Variants in ZFYVE26 observed in about 807,000 individuals in gnomAD.
ZFYVE26 encodes the protein zinc finger FYVE domain-containing protein 26.
ZFYVE26 carries 181 observed loss-of-function variants against 276.5 expected under a neutral mutation model. The observed-to-expected ratio is 0.65, with a 90% CI of 0.58 to 0.74. The LOEUF is 0.74. Among genes scored for constraint, ZFYVE26 ranks in the 30% least tolerant of loss-of-function variants. The pLI, the probability that ZFYVE26 is intolerant of heterozygous loss-of-function variation, is 0.00. For synonymous variants in ZFYVE26, 1,129 were observed against 1,203.1 expected (o/e 0.94, Z 1.27); for missense variants, 2,821 against 3,097.9 (o/e 0.91, Z 2.12).
intron 41 of ZFYVE26, among the ~76,000 whole-genome samples, chr14:67,749,114 C>T (rs2038566627): frequency 6.6e-6 from 1 of 152,298 alleles, no homozygotes; most frequent in South Asian, 2.1e-4. Flanking sequence ...ATTCCTGGCA[C>T]CTAGCACGGG....
intron 10 of ZFYVE26, among the ~76,000 whole-genome samples, chr14:67,798,845 G>T (rs531948125): frequency 6.6e-6 from 1 of 152,340 alleles, no homozygotes; most frequent in South Asian, 2.1e-4. Flanking sequence ...CAGCTGGCCG[G>T]GTCCCGCCCC....
chr14:67,778,375 A>G (rs1405483920), intron 23 of ZFYVE26, 127 bp from the exon 24 acceptor site: 1 of 1,267,742 alleles, frequency 7.9e-7, no homozygotes, highest in Non-Finnish European at 1.1e-6. Flanking sequence ...GATGAAAATG[A>G]TTGAAGCAGG....
intron 13 of ZFYVE26, chr14:67,733,933 T>G: frequency 9.9e-7 from 1 of 1,007,736 alleles, no homozygotes; most frequent in Non-Finnish European, 1.5e-6. Context: ...TAAAGGATTG[T>G]CCTCTTGGCC....
intron 40 of ZFYVE26, chr14:67,751,408 TAGTGCAAGCACTA>T: frequency 2.2e-6 from 1 of 461,410 alleles, no homozygotes; most frequent in Admixed American, 3.4e-5. Flanking sequence ...ATCATGAACT[TAGTGCAAGCACTA>T]AGTTCTCACA....
intron 34 of ZFYVE26, 66 bp downstream of exon 34, chr14:67,762,137 T>C (rs2038947568): frequency 6.5e-7 from 1 of 1,548,000 alleles, no homozygotes; most frequent in Non-Finnish European, 8.9e-7. Context: ...CTGATTCTTT[T>C]CCCAGGTCAT....
intron 3 of ZFYVE26, among the ~76,000 whole-genome samples, chr14:67,810,086 G>T (rs2140255129): frequency 6.6e-6 from 1 of 152,304 alleles, no homozygotes; most frequent in African/African-American, 2.4e-5. Context: ...GCCTGGCACA[G>T]ATACTATTCT....
chr14:67,764,673 T>C (rs886946300), intron 32 of ZFYVE26, among the ~76,000 whole-genome samples: 2 of 151,492 alleles, frequency 1.3e-5, no homozygotes. Flanking sequence ...ATCAACAAAC[T>C]GGTGCAAAGG....
At position 67,777,610 on chromosome 14, in the gene ZFYVE26, T is replaced by C; in HGVS notation, c.4923A>G (p.Gln1641=). 6.8e-6 allele frequency: 11 copies of C among 1,614,112 alleles called. No individual in the cohort carries two copies. The highest frequency in any genetic ancestry group is 9.3e-6 in the Non-Finnish European group (11 of 1,180,030). Residue 1641 remains glutamine (Q), a synonymous_variant, in exon 25 of 42, where the codon CAA becomes CAG. Coordinates refer to ENST00000347230, the MANE Select transcript of ZFYVE26 (RefSeq NM_015346.4). ...ANYLTTHFYG[Q]LTAVRHREIQ... The stretch of plus-strand genomic sequence containing the variant: ...TTTCACGGTGTCGGACAGCAGTCAG[T>C]TGTCCATAGAAGTGGGTGGTGAGGT...
In ZFYVE26 at chr14:67,778,490, G is replaced by C. The variant is rs117794567; in HGVS notation, c.4675-242C>G. 2.8e-3 allele frequency among the ~76,000 whole-genome samples: 424 copies of C among 152,296 alleles called. 10 individuals carry two copies. The East Asian group carries it at 0.07, about 25-fold the overall frequency. Reference sequence around the variant, plus strand: ...ACCCTGGGAAGATTCTAAGGAAGTGGGAAAGACTGAAAAGACTGTTTAAAG... The same window carrying C: ...ACCCTGGGAAGATTCTAAGGAAGTGCGAAAGACTGAAAAGACTGTTTAAAG... On this transcript the variant is annotated intron_variant, in intron 23 of 41. Coordinates refer to ENST00000347230, the MANE Select transcript of ZFYVE26 (RefSeq NM_015346.4).
At chr14:67,789,742 C>T in intron 15 of ZFYVE26, 144 bp from the exon 16 acceptor site, 1 of 1,088,486 alleles carries the variant, frequency 9.2e-7, no homozygotes. Context: ...ATCATTATGG[C>T]CCACTCTTAT....
At position 67,780,279 on chromosome 14, in the gene ZFYVE26, C is replaced by G. The variant is rs969245693; in HGVS notation, c.4636G>C (p.Asp1546His). The G allele has an allele frequency of 1.9e-6, 3 of 1,613,892 alleles. No individual in the cohort carries two copies. Among genetic ancestry groups the G allele is most frequent in the Non-Finnish European group, 2.5e-6 (3 of 1,180,014 alleles). The change falls in exon 23 of 42, where the codon GAC (aspartate) becomes CAC (histidine). Residue 1546 changes from aspartate (D) to histidine (H), a missense_variant. By Grantham distance (81) the Asp-to-His change is moderately conservative. Coordinates refer to ENST00000347230, the MANE Select transcript of ZFYVE26 (RefSeq NM_015346.4). Reference sequence around the variant, plus strand: ...ATCATGTTCATGACAGTTGATGGGTCCTCAACACAACAGCTCCTCAAGGTC... The same window carrying G: ...ATCATGTTCATGACAGTTGATGGGTGCTCAACACAACAGCTCCTCAAGGTC... ...WQTLRSCCVE[D>H]PSTVMNMILE...
intron 32 of ZFYVE26, among the ~76,000 whole-genome samples, chr14:67,763,843 G>A (rs1358929624): frequency 1.3e-5 from 2 of 152,230 alleles, no homozygotes; most frequent in Admixed American, 6.5e-5. Flanking sequence ...TACACTGTAT[G>A]TTAGGGGCTT....
At chr14:67,782,710 T>A in intron 21 of ZFYVE26, 70 bp downstream of exon 21, 1 of 1,596,378 alleles carries the variant, frequency 6.3e-7, no homozygotes, top group South Asian at 1.1e-5. Flanking sequence ...GAGGATTAAA[T>A]GTGATAATAT....
intron 10 of ZFYVE26, chr14:67,799,448 G>T (rs2040034648): frequency 6.2e-7 from 1 of 1,612,076 alleles, no homozygotes; most frequent in East Asian, 2.2e-5. Flanking sequence ...AAAGGAGTTG[G>T]GGCTTGATGA....
At chr14:67,765,337 CATTTT>C (rs2039028538) in intron 32 of ZFYVE26, among the ~76,000 whole-genome samples, 1 of 152,072 alleles carries the variant, frequency 6.6e-6, no homozygotes, top group African/African-American at 2.4e-5. Flanking sequence ...TGGATGATCT[CATTTT>C]ATCCTCGTAA....
Position 67,778,133 on chromosome 14 carries a change from G to A in ZFYVE26, c.4790C>T (p.Ala1597Val), listed in dbSNP as rs772661773. The A allele has an allele frequency of 5.0e-6, 8 of 1,614,050 alleles. No individual in the cohort carries two copies. The Admixed American group carries it at 6.7e-5, about 13-fold the overall frequency. Reference protein sequence around the residue: ...HLLERRDHDKALQLLRRIPDP... With the variant: ...HLLERRDHDKVLQLLRRIPDP... ...AAAGAACTGGGGGCTTACTTGCAGAGCCTTGTCATGATCTCTTCTTTCTAG... is the reference window on the plus strand; with the variant it reads ...AAAGAACTGGGGGCTTACTTGCAGAACCTTGTCATGATCTCTTCTTTCTAG... The change falls in exon 24 of 42, where the codon GCT (alanine) becomes GTT (valine). Residue 1597 changes from alanine to valine, a missense_variant. Physicochemically the swap from Ala to Val is moderately conservative, Grantham distance 64. Coordinates refer to ENST00000347230, the MANE Select transcript of ZFYVE26 (RefSeq NM_015346.4).
At chr14:67,743,050 C>T (rs1379537380), downstream of ZFYVE26, among the ~76,000 whole-genome samples, 4 of 151,378 alleles carry the variant, frequency 2.6e-5, no homozygotes, top group East Asian at 5.8e-4. Context: ...GTTGGCCAGG[C>T]TGGTCTCGAA....
chr14:67,782,680 C>A, intron 21 of ZFYVE26, 100 bp downstream of exon 21: 1 of 1,559,338 alleles, frequency 6.4e-7, no homozygotes, highest in Non-Finnish European at 8.8e-7. Context: ...TATAGTGGGG[C>A]TTCTCTCTAG....
intron 1 of ZFYVE26, 44 bp from the exon 2 acceptor site, chr14:67,816,090 T>C (rs1171097255): frequency 1.3e-6 from 1 of 755,594 alleles, no homozygotes; most frequent in African/African-American, 1.8e-5. Context: ...GAAGGCACTG[T>C]ATTAAGACAA....
Sources: allele counts gnomAD v4.1 joint callset (sites outside exome capture counted in the v4.1 genomes callset), GRCh38; gene constraint gnomAD v4.1.1; transcripts MANE v1.5; gene names NCBI Gene and HGNC (gene_info 2026-07-23, HGNC 2026-07-21).